The following CHDH variants were observed in gnomAD, a reference collection of about 807,000 sequenced individuals.
CHDH encodes choline dehydrogenase.
A neutral mutation model predicts 56.9 loss-of-function variants in CHDH; 43 were observed. The ratio of observed to expected loss-of-function variants is 0.76; its 90% confidence interval spans 0.59 to 0.97. CHDH has a LOEUF of 0.97. Among genes scored for constraint, CHDH ranks in the 50% least tolerant of loss-of-function variants. The pLI, the probability that CHDH is intolerant of heterozygous loss-of-function variation, is 0.00. For missense variants in CHDH, 816 were observed against 821.1 expected (o/e 0.99, Z 0.08); for synonymous variants, 364 against 348.5 (o/e 1.04, Z -0.50).
chr3:53,826,154 G>C (rs1022700533), intron 2 of CHDH, among the ~76,000 whole-genome samples: 7 of 151,968 alleles, frequency 4.6e-5, no homozygotes, highest in African/African-American at 1.7e-4. Flanking sequence ...ACAGCACCAA[G>C]CTTGACTAAG....
intron 6 of CHDH, 125 bp downstream of exon 6, chr3:53,820,349 G>C: frequency 8.4e-7 from 1 of 1,193,120 alleles, no homozygotes; most frequent in Non-Finnish European, 1.2e-6. Flanking sequence ...CTGAGGCTCA[G>C]GGCTAAGGTA....
At position 53,822,649 on chromosome 3, in the gene CHDH, G is replaced by C; in HGVS notation, c.704-7C>G. ...GCCGCGCTCCACCGTTTGCCTGCAGGATGGAGTGAGGTGGTCAGGCATGGC... is the reference window on the plus strand; with the variant it reads ...GCCGCGCTCCACCGTTTGCCTGCAGCATGGAGTGAGGTGGTCAGGCATGGC... On this transcript the variant is annotated splice_region_variant and splice_polypyrimidine_tract_variant and intron_variant, in intron 3 of 8. Coordinates refer to ENST00000315251, the MANE Select transcript of CHDH (RefSeq NM_018397.5). 6.2e-7 allele frequency: 1 copy of C among 1,606,002 alleles called. No individual in the cohort carries two copies. Among genetic ancestry groups the C allele is most frequent in the African/African-American group, 1.3e-5 (1 of 75,012 alleles).
In CHDH at chr3:53,817,457, G is replaced by C. The variant is rs540693420; in HGVS notation, c.*320C>G. On this transcript the variant is annotated 3_prime_UTR_variant, in exon 9 of 9. Transcript: ENST00000315251. Reference sequence around the variant, plus strand: ...ACTGCCCTGGGTTAGAGAATGCCACGTGAACACAAGAAAAAGGATGCGGCA... The same window carrying C: ...ACTGCCCTGGGTTAGAGAATGCCACCTGAACACAAGAAAAAGGATGCGGCA... The C allele has an allele frequency of 1.5e-5, 5 of 325,374 alleles. No individual in the cohort carries two copies. The highest frequency in any genetic ancestry group is 9.1e-5 in the Admixed American group (2 of 21,918). 20.2% of individuals were successfully genotyped at this position (325,374 alleles called of 1,614,324 possible).
chr3:53,843,095 G>A (rs1698726335), intron 1 of CHDH, among the ~76,000 whole-genome samples: 1 of 151,982 alleles, frequency 6.6e-6, no homozygotes, highest in African/African-American at 2.4e-5. Context: ...TTCTCCCAGG[G>A]ATGGATCAGG....
Position 53,819,032 on chromosome 3 carries a change from C to T in CHDH, c.1272G>A (p.Val424=). The part of the protein sequence containing the change: ...PTQQEAYQVH[V]GPMRGTSVGW... ...CCACACTCGTGCCCCGCATGGGCCC[C>T]ACATGTACCTAGAAGAACACAGAGG... Residue 424 remains valine, a synonymous_variant, in exon 8 of 9, where the codon GTG becomes GTA. Coordinates refer to ENST00000315251, the MANE Select transcript of CHDH (RefSeq NM_018397.5). This position sits in a 1 kb window ranked among gnomAD's most constrained non-coding sequence, Gnocchi z 5.4. The T allele has an allele frequency of 6.2e-7, 1 of 1,610,724 alleles. No homozygotes were observed. Among genetic ancestry groups the T allele is most frequent in the South Asian group, 1.1e-5 (1 of 90,962 alleles).
At position 53,814,289 on chromosome 3, in the gene CHDH, A is replaced by G. The variant is rs2095611899; in HGVS notation, c.*3488T>C. 1 of 152,252 alleles carries G rather than the reference A, an allele frequency of 6.6e-6. No homozygotes were observed. The highest frequency in any genetic ancestry group is 6.5e-5 in the Admixed American group (1 of 15,288). The allele number at this position is 152,252 out of a possible 1,614,324, so 9.4% of individuals were successfully genotyped here. A position where few individuals can be genotyped will look rare whatever the true frequency, so the allele number is the denominator to read the frequency against. On this transcript the variant is annotated 3_prime_UTR_variant, in exon 9 of 9. Coordinates refer to ENST00000315251, the MANE Select transcript of CHDH (RefSeq NM_018397.5). ...GGCAGCTGGCTGGTTTAGAAAAACC[A>G]GTTAGCCATAGAACTGACATCACGC...
chr3:53,818,269 G>A, intron 8 of CHDH, 74 bp from the exon 9 acceptor site: 4 of 1,341,760 alleles, frequency 3.0e-6, no homozygotes, highest in Non-Finnish European at 4.0e-6. Context: ...TCACGGCATG[G>A]AGAGGCTCTG....
chr3:53,823,712 G>GC lies in CHDH; in HGVS notation c.296dup (p.Cys99TrpfsTer136). On this transcript the variant is annotated frameshift_variant, in exon 3 of 9. Coordinates refer to ENST00000315251, the MANE Select transcript of CHDH (RefSeq NM_018397.5). LOFTEE classifies it high-confidence loss of function. ...GGTAGCACCAGTTGTACCTGTCGTC[G>GC]CACAGGTTGGCCACCAGGGCCGCGG... The GC allele has an allele frequency of 6.4e-7, 1 of 1,551,072 alleles. No individual in the cohort carries two copies. The highest frequency in any genetic ancestry group is 8.7e-7 in the Non-Finnish European group (1 of 1,148,290).
chr3:53,845,274 C>G (rs1698826335), intron 1 of CHDH, among the ~76,000 whole-genome samples: 1 of 152,190 alleles, frequency 6.6e-6, no homozygotes, highest in African/African-American at 2.4e-5. Context: ...TCCATGCAAG[C>G]CTTAATCAAG....
At chr3:53,820,976 C>T (rs2095625160) in intron 5 of CHDH, among the ~76,000 whole-genome samples, 1 of 152,246 alleles carries the variant, frequency 6.6e-6, no homozygotes, top group South Asian at 2.1e-4. Flanking sequence ...AGACAGCAGC[C>T]CCACCCTCAC....
chr3:53,823,184 A>C lies in CHDH; in HGVS notation c.703+122T>G, dbSNP rs563456770. ...AGCCAGATCTCTTCCCGGTCGTGCCAGCCTCAGTCTGCCCATGCCTCCTGA... is the reference window on the plus strand; with the variant it reads ...AGCCAGATCTCTTCCCGGTCGTGCCCGCCTCAGTCTGCCCATGCCTCCTGA... On this transcript the variant is annotated intron_variant, in intron 3 of 8. Coordinates refer to ENST00000315251, the MANE Select transcript of CHDH (RefSeq NM_018397.5). 1.2e-4 allele frequency: 111 copies of C among 895,382 alleles called. No individual in the cohort carries two copies. The Admixed American group carries it at 1.4e-3, about 12-fold the overall frequency. 55.5% of individuals were successfully genotyped at this position (895,382 alleles called of 1,614,324 possible). A position where few individuals can be genotyped will look rare whatever the true frequency, so the allele number is the denominator to read the frequency against.
intron 4 of CHDH, among the ~76,000 whole-genome samples, chr3:53,822,016 G>A (rs188768182): frequency 6.6e-6 from 1 of 152,096 alleles, no homozygotes; most frequent in Admixed American, 6.6e-5. Flanking sequence ...GGAGGGGAGG[G>A]CTTACACGAG....
chr3:53,823,150 G>A lies in CHDH; in HGVS notation c.703+156C>T, dbSNP rs561237486. Among the ~76,000 whole-genome samples, 19 of 152,240 alleles carry A rather than the reference G, an allele frequency of 1.2e-4. No individual in the cohort carries two copies. The South Asian group carries it at 2.1e-3, about 17-fold the overall frequency. ...GGGCTCCGGGTTGTACTCTTGGAGG[G>A]GTATACTAAGCCAGATCTCTTCCCG... On this transcript the variant is annotated intron_variant, in intron 3 of 8. Transcript: ENST00000315251.
intron 2 of CHDH, among the ~76,000 whole-genome samples, chr3:53,831,125 C>G (rs1231085226): frequency 2.0e-5 from 3 of 152,218 alleles, no homozygotes; most frequent in African/African-American, 7.2e-5. Context: ...CTGGTGGTAT[C>G]CTGGCAGTCC....
rs557522777 is a variant in CHDH at position 53,813,910 on chromosome 3, G to C, written c.*3867C>G. 4.5e-4 allele frequency: 69 copies of C among 152,292 alleles called. 1 individual carries two copies. Among genetic ancestry groups the C allele is most frequent in the Admixed American group, 1.3e-3 (20 of 15,306 alleles). 9.4% of individuals were successfully genotyped at this position (152,292 alleles called of 1,614,324 possible). On this transcript the variant is annotated 3_prime_UTR_variant, in exon 9 of 9. Coordinates refer to ENST00000315251, the MANE Select transcript of CHDH (RefSeq NM_018397.5). ...TTTCATAATCTCACAAAATGTAAAT[G>C]GCAGCTATGATTTCACCGTCAACTG...
chr3:53,829,610 C>T (rs926294919), intron 2 of CHDH, among the ~76,000 whole-genome samples: 3 of 152,112 alleles, frequency 2.0e-5, no homozygotes, highest in Admixed American at 6.5e-5. Context: ...GTTTGACTAC[C>T]GATAGCTTTC....
At chr3:53,821,529 A>T (rs2095626443) in intron 5 of CHDH, 118 bp downstream of exon 5, 3 of 888,574 alleles carry the variant, frequency 3.4e-6, no homozygotes, top group Middle Eastern at 2.4e-4. Flanking sequence ...GGACAATGTG[A>T]TAGTTCCAAG....
rs2095622807 is a variant in CHDH at position 53,819,842 on chromosome 3, G to A, written c.1121-168C>T. On this transcript the variant is annotated intron_variant, in intron 6 of 8. Transcript: ENST00000315251. The surrounding 1 kb of genome is among the most constrained non-coding windows in gnomAD (Gnocchi z 5.4). ...CACATCTGTTCACCCCTCACAGGGG[G>A]CTCACCCAGCACCACACCATAAAAT... Among the ~76,000 whole-genome samples the A allele has an allele frequency of 6.6e-6, 1 of 152,178 alleles. No homozygotes were observed. The highest frequency in any genetic ancestry group is 2.1e-4 in the South Asian group (1 of 4,832).
intron 2 of CHDH, among the ~76,000 whole-genome samples, chr3:53,830,402 T>TTATATATA (rs34884918): frequency 8.6e-4 from 126 of 147,084 alleles, no homozygotes; most frequent in African/African-American, 2.9e-3. Context: ...CTAAATGAGA[T>TTATATATA]TATATATATA....
Sources: allele counts gnomAD v4.1 joint callset (sites outside exome capture counted in the v4.1 genomes callset), GRCh38; gene constraint gnomAD v4.1.1; non-coding constraint Gnocchi (gnomAD v3.1); transcripts MANE v1.5; gene names NCBI Gene and HGNC (gene_info 2026-07-23, HGNC 2026-07-21).